RAB6A: variants seen among roughly 807,000 people sequenced by gnomAD.
RAB6A encodes RAB6A, member RAS oncogene family.
A neutral mutation model predicts 32.3 loss-of-function variants in RAB6A; 8 were observed. The observed-to-expected ratio is 0.25, with a 90% CI of 0.15 to 0.45. The LOEUF is 0.45. Among genes scored for constraint, RAB6A ranks in the 20% least tolerant of loss-of-function variants. The pLI is 1.00. For synonymous variants in RAB6A, 73 were observed against 82.1 expected (o/e 0.89, Z 0.60); for missense variants, 104 against 249.4 (o/e 0.42, Z 3.93).
intron 1 of RAB6A, among the ~76,000 whole-genome samples, chr11:73,743,524 G>A (rs1386113315): frequency 1.3e-5 from 2 of 152,022 alleles, no homozygotes; most frequent in Admixed American, 6.6e-5. Flanking sequence ...CTACTCAAGA[G>A]TATCAGGTGG....
chr11:73,687,974 AAG>A (rs1945486104), intron 6 of RAB6A, among the ~76,000 whole-genome samples: 1 of 152,220 alleles, frequency 6.6e-6, no homozygotes, highest in Non-Finnish European at 1.5e-5. Context: ...AATACTACAG[AAG>A]AGATAGTGTC....
At chr11:73,681,056 GCA>G (rs1337040231) in intron 6 of RAB6A, among the ~76,000 whole-genome samples, 1 of 152,148 alleles carries the variant, frequency 6.6e-6, no homozygotes, top group Non-Finnish European at 1.5e-5. Context: ...TTTTAATTAA[GCA>G]CACAGTGTAA....
At chr11:73,692,654 T>C (rs918994379) in intron 6 of RAB6A, among the ~76,000 whole-genome samples, 2 of 149,002 alleles carry the variant, frequency 1.3e-5, no homozygotes, top group African/African-American at 4.9e-5. Flanking sequence ...GTCAACTTGA[T>C]AATAAACAAA....
chr11:73,693,701 T>G (rs967456667), intron 6 of RAB6A, among the ~76,000 whole-genome samples: 2 of 151,670 alleles, frequency 1.3e-5, no homozygotes, highest in Non-Finnish European at 2.9e-5. Flanking sequence ...CCTAGTAACA[T>G]AGTGAGACCT....
intron 1 of RAB6A, among the ~76,000 whole-genome samples, chr11:73,742,071 C>G (rs953586588): frequency 1.3e-5 from 2 of 152,044 alleles, no homozygotes; most frequent in East Asian, 3.9e-4. Flanking sequence ...TACTTGAGGT[C>G]AGAGGTTCAC....
At chr11:73,750,957 C>T (rs960743336) in intron 1 of RAB6A, among the ~76,000 whole-genome samples, 2 of 151,976 alleles carry the variant, frequency 1.3e-5, no homozygotes, top group Admixed American at 6.6e-5. Flanking sequence ...GCATGTGACA[C>T]CACACCTGGT....
In RAB6A at chr11:73,704,045, T is replaced by A. The variant is rs995365425; in HGVS notation, c.495+3375A>T. On this transcript the variant is annotated intron_variant, in intron 6 of 7. Transcript: ENST00000336083. ...CTCCATCTCAAAAAAAAAAAAAAAA[T>A]TTCTAACATCAGATTATGGTAATAG... 10 of 150,804 alleles carry A rather than the reference T, an allele frequency of 6.6e-5. No homozygotes were observed. In the South Asian group the frequency reaches 1.0e-3, roughly 15 times the overall value. 9.3% of individuals were successfully genotyped at this position (150,804 alleles called of 1,614,324 possible).
intron 1 of RAB6A, among the ~76,000 whole-genome samples, chr11:73,758,497 A>G (rs1946794490): frequency 6.6e-6 from 1 of 152,170 alleles, no homozygotes; most frequent in South Asian, 2.1e-4. Flanking sequence ...AATGAAGTCT[A>G]TTAAAAAAAA....
intron 5 of RAB6A, among the ~76,000 whole-genome samples, chr11:73,715,274 A>T (rs1420126229): frequency 6.6e-6 from 1 of 152,032 alleles, no homozygotes; most frequent in Non-Finnish European, 1.5e-5. Context: ...TTACAGGTGC[A>T]TGCCACAGCG....
rs3182799 is a variant in RAB6A at position 73,677,785 on chromosome 11, T to C, written c.*113A>G. ...GACAGGCAGCAATGATGAATTGCAA[T>C]ACGTTATTACTGAAGGGAAAAGGTT... On this transcript the variant is annotated 3_prime_UTR_variant, in exon 8 of 8. Transcript: ENST00000336083. 1.9e-6 allele frequency: 3 copies of C among 1,568,334 alleles called. No homozygotes were observed. The highest frequency in any genetic ancestry group is 2.6e-6 in the Non-Finnish European group (3 of 1,146,018).
chr11:73,710,924 A>ATTATCTTTAAACT (rs1377572567), intron 5 of RAB6A, among the ~76,000 whole-genome samples: 1 of 151,996 alleles, frequency 6.6e-6, no homozygotes, highest in African/African-American at 2.4e-5. Context: ...CTTTAAACTT[A>ATTATCTTTAAACT]TAATTTATCT....
intron 1 of RAB6A, among the ~76,000 whole-genome samples, chr11:73,732,749 G>A (rs1433036341): frequency 6.6e-6 from 1 of 152,116 alleles, no homozygotes; most frequent in Non-Finnish European, 1.5e-5. Flanking sequence ...GACACAGTGA[G>A]ACTCTGTCTC....
At position 73,700,617 on chromosome 11, in the gene RAB6A, G is replaced by C. The variant is rs867173106; in HGVS notation, c.495+6803C>G. Among the ~76,000 whole-genome samples the C allele has an allele frequency of 1.8e-4, 20 of 111,524 alleles. 2 individuals carry two copies. The South Asian group carries it at 2.7e-3, about 15-fold the overall frequency. 73.2% of individuals were successfully genotyped at this position (111,524 alleles called of 152,430 possible). On this transcript the variant is annotated intron_variant, in intron 6 of 7. Coordinates refer to ENST00000336083, the MANE Select transcript of RAB6A (RefSeq NM_198896.2). The stretch of plus-strand genomic sequence containing the variant: ...AAAAAAAAGTGTGTGTGTGGGGGGG[G>C]GGGGGGGAGGAGGGTAGTGGATGAG...
intron 5 of RAB6A, among the ~76,000 whole-genome samples, chr11:73,711,860 T>C (rs1423964256): frequency 1.3e-5 from 2 of 152,236 alleles, no homozygotes; most frequent in Non-Finnish European, 2.9e-5. Flanking sequence ...TTTCAATCAG[T>C]ACTTCAGTAA....
intron 5 of RAB6A, among the ~76,000 whole-genome samples, chr11:73,710,390 C>A (rs1284950503): frequency 1.3e-5 from 2 of 151,972 alleles, no homozygotes; most frequent in African/African-American, 4.8e-5. Context: ...AGAATACAGA[C>A]AATCATTTTG....
chr11:73,683,703 C>A (rs1295241454), intron 6 of RAB6A, among the ~76,000 whole-genome samples: 2 of 152,062 alleles, frequency 1.3e-5, no homozygotes, highest in African/African-American at 4.8e-5. Context: ...CAGGTGTGCG[C>A]CACCACACAG....
intron 1 of RAB6A, among the ~76,000 whole-genome samples, chr11:73,744,734 TG>T (rs1946557693): frequency 6.6e-6 from 1 of 152,052 alleles, no homozygotes; most frequent in Non-Finnish European, 1.5e-5. Context: ...CCCAACACTT[TG>T]GGAGGCCGAG....
At chr11:73,700,913 A>T (rs1945734952) in intron 6 of RAB6A, among the ~76,000 whole-genome samples, 1 of 152,208 alleles carries the variant, frequency 6.6e-6, no homozygotes, top group Non-Finnish European at 1.5e-5. Flanking sequence ...GCAAAGTAGT[A>T]TTATTGGGTA....
chr11:73,703,414 G>T (rs1249113126), intron 6 of RAB6A, among the ~76,000 whole-genome samples: 1 of 152,194 alleles, frequency 6.6e-6, no homozygotes, highest in Non-Finnish European at 1.5e-5. Context: ...TATGGAGTTT[G>T]TTGTTTAGTG....
Sources: allele counts gnomAD v4.1 joint callset (sites outside exome capture counted in the v4.1 genomes callset), GRCh38; gene constraint gnomAD v4.1.1; transcripts MANE v1.5; gene names NCBI Gene and HGNC (gene_info 2026-07-23, HGNC 2026-07-21).